The following IQGAP1 variants were observed in gnomAD, a reference collection of about 807,000 sequenced individuals.
The protein encoded by IQGAP1 is ras GTPase-activating-like protein IQGAP1.
Under a neutral mutation model 215.6 loss-of-function variants are expected in IQGAP1, and 66 were observed. That is an observed-to-expected ratio of 0.31 (90% CI 0.25 to 0.38). IQGAP1 has a LOEUF of 0.38. Ranked by LOEUF, IQGAP1 falls within the 10% of genes least tolerant of loss-of-function variation. The probability of loss-of-function intolerance (pLI) is 1.00; values close to 1 mark genes in which losing one functional copy is unlikely to be tolerated. For missense variants in IQGAP1, 1,712 were observed against 1,997.1 expected (o/e 0.86, Z 2.72); for synonymous variants, 772 against 728.7 (o/e 1.06, Z -0.96).
intron 2 of IQGAP1, among the ~76,000 whole-genome samples, chr15:90,398,666 T>A (rs1192081317): frequency 6.6e-6 from 1 of 152,088 alleles, no homozygotes; most frequent in East Asian, 1.9e-4. Context: ...TAGCTTACAG[T>A]TGGACAAAAT....
At chr15:90,456,462 TGA>T in intron 15 of IQGAP1, 147 bp downstream of exon 15, 1 of 715,436 alleles carries the variant, frequency 1.4e-6, no homozygotes, top group Non-Finnish European at 2.2e-6. Flanking sequence ...CACAAAAATG[TGA>T]GAGACATAGG....
chr15:90,410,347 A>C (rs931770152), intron 2 of IQGAP1, among the ~76,000 whole-genome samples: 15 of 152,226 alleles, frequency 9.9e-5, no homozygotes, highest in African/African-American at 3.6e-4. Flanking sequence ...TATGTACCCA[A>C]AGGATTATAA....
At chr15:90,464,607 A>G (rs898402308) in intron 15 of IQGAP1, among the ~76,000 whole-genome samples, 1 of 152,026 alleles carries the variant, frequency 6.6e-6, no homozygotes, top group East Asian at 1.9e-4. Flanking sequence ...TCCCAGCACT[A>G]TGGGAGGCCA....
chr15:90,487,377 T>C, intron 32 of IQGAP1, 118 bp from the exon 33 acceptor site: 1 of 750,764 alleles, frequency 1.3e-6, no homozygotes, highest in Non-Finnish European at 2.3e-6. Flanking sequence ...TACTGGCAGC[T>C]GCCGCTTGGG....
intron 2 of IQGAP1, among the ~76,000 whole-genome samples, chr15:90,406,557 A>G (rs1307193979): frequency 6.6e-6 from 1 of 152,240 alleles, no homozygotes; most frequent in Non-Finnish European, 1.5e-5. Flanking sequence ...TGAATTGTAT[A>G]TTTTAAATGA....
intron 28 of IQGAP1, chr15:90,482,835 T>G: frequency 1.9e-6 from 1 of 537,942 alleles, no homozygotes; most frequent in Admixed American, 5.4e-5. Flanking sequence ...AGATGTGTGT[T>G]AAGTGAATTT....
intron 6 of IQGAP1, 115 bp downstream of exon 6, chr15:90,439,514 G>A: frequency 1.5e-6 from 1 of 677,110 alleles, no homozygotes; most frequent in Non-Finnish European, 2.5e-6. Flanking sequence ...CAGTGGAGGT[G>A]AAAAAAATAC....
At chr15:90,399,366 C>T (rs375038052) in intron 2 of IQGAP1, among the ~76,000 whole-genome samples, 5 of 152,252 alleles carry the variant, frequency 3.3e-5, no homozygotes, top group African/African-American at 1.2e-4. Context: ...CATTTTCTTA[C>T]ATATTTGTTT....
intron 1 of IQGAP1, among the ~76,000 whole-genome samples, chr15:90,390,296 C>T (rs1179322262): frequency 1.3e-5 from 2 of 152,200 alleles, no homozygotes; most frequent in African/African-American, 4.8e-5. Context: ...CTGAGTTCAC[C>T]CAGCCTCAGT....
intron 8 of IQGAP1, among the ~76,000 whole-genome samples, chr15:90,443,041 C>G (rs1965474336): frequency 6.6e-6 from 1 of 152,068 alleles, no homozygotes. Flanking sequence ...CTCACTGCAG[C>G]CTTGAACTTC....
At chr15:90,456,494 A>T (rs1226945166) in intron 15 of IQGAP1, among the ~76,000 whole-genome samples, 179 bp downstream of exon 15, 1 of 152,318 alleles carries the variant, frequency 6.6e-6, no homozygotes, top group East Asian at 1.9e-4. Context: ...CTAGGAGCTC[A>T]TGCTGTTTTA....
At chr15:90,391,870 G>A (rs542713303) in intron 2 of IQGAP1, 23 of 152,272 alleles carry the variant, frequency 1.5e-4, no homozygotes, top group Admixed American at 7.2e-4. Flanking sequence ...AGTCAAGTGA[G>A]GGATAATGAA....
intron 2 of IQGAP1, among the ~76,000 whole-genome samples, chr15:90,420,457 C>T (rs759259423): frequency 2.6e-5 from 4 of 152,164 alleles, no homozygotes; most frequent in African/African-American, 4.8e-5. Context: ...CTTCTGACTA[C>T]TGGAGTCCAG....
At chr15:90,418,392 G>GC (rs1051710635) in intron 2 of IQGAP1, among the ~76,000 whole-genome samples, 10 of 151,582 alleles carry the variant, frequency 6.6e-5, no homozygotes, top group African/African-American at 2.4e-4. Flanking sequence ...TTGGAGACCA[G>GC]CCTGAGTAAC....
intron 11 of IQGAP1, among the ~76,000 whole-genome samples, chr15:90,452,189 A>G (rs1965613163): frequency 6.6e-6 from 1 of 152,090 alleles, no homozygotes; most frequent in Non-Finnish European, 1.5e-5. Flanking sequence ...GCTCGCACAC[A>G]CTTCATGATT....
At chr15:90,426,031 T>G in intron 2 of IQGAP1, 79 bp from the exon 3 acceptor site, 1 of 1,378,224 alleles carries the variant, frequency 7.3e-7, no homozygotes. Context: ...CCAAGGAGAA[T>G]GGAAATAAAG....
At chr15:90,498,480 A>C (rs1449490406) in intron 37 of IQGAP1, among the ~76,000 whole-genome samples, 2 of 152,052 alleles carry the variant, frequency 1.3e-5, no homozygotes, top group Non-Finnish European at 2.9e-5. Context: ...TTTTTAACCA[A>C]ATCATGTTAG....
Position 90,488,860 on chromosome 15 carries a change from G to GGT in IQGAP1, c.4248+1280_4248+1281dup, listed in dbSNP as rs887864254. On this transcript the variant is annotated intron_variant, in intron 33 of 37. Transcript: ENST00000268182. ...TGTCTAGAATGGAGCTGTGGGTGGAGGTGAGTAGTGAGAAATAAAACATGA... is the reference window on the plus strand; with the variant it reads ...TGTCTAGAATGGAGCTGTGGGTGGAGGTGTGAGTAGTGAGAAATAAAACATGA... 4.6e-5 allele frequency among the ~76,000 whole-genome samples: 7 copies of GGT among 152,210 alleles called. No homozygotes were observed. The South Asian group carries it at 6.2e-4, about 14-fold the overall frequency.
At chr15:90,486,562 T>TG (rs1340088693) in intron 31 of IQGAP1, 2 of 181,112 alleles carry the variant, frequency 1.1e-5, no homozygotes, top group East Asian at 1.7e-4. Flanking sequence ...CTGAGTTGTT[T>TG]TTTTTTTTTT....
Sources: gnomAD v4.1 joint callset for allele counts (sites outside exome capture counted in the v4.1 genomes callset) on GRCh38, gnomAD v4.1.1 for gene constraint, MANE v1.5 for transcripts, NCBI Gene and HGNC (gene_info 2026-07-23, HGNC 2026-07-21) for gene names.